The following WDR31 variants were observed in gnomAD, a reference collection of about 807,000 sequenced individuals.
The protein encoded by WDR31 is WD repeat-containing protein 31.
A neutral mutation model predicts 47.3 loss-of-function variants in WDR31; 30 were observed. That is an observed-to-expected ratio of 0.63 (90% confidence interval 0.47 to 0.86). The LOEUF (loss-of-function observed/expected upper bound fraction) is 0.86, where lower values mean the gene tolerates loss of function less well. Ranked by LOEUF, WDR31 falls within the 40% of genes least tolerant of loss-of-function variation. WDR31 has a pLI of 0.00. For synonymous variants in WDR31, 137 were observed against 159.4 expected (o/e 0.86, Z 1.06); for missense variants, 406 against 442.9 (o/e 0.92, Z 0.75).
rs772769210 is a variant in WDR31 at position 113,318,594 on chromosome 9, T to C, written c.824A>G (p.Lys275Arg). 1 of 1,614,178 alleles carries C rather than the reference T, an allele frequency of 6.2e-7. No individual in the cohort carries two copies. The highest frequency in any genetic ancestry group is 8.5e-7 in the Non-Finnish European group (1 of 1,180,022). ...RQTRNRICEY[K>R]GHFQTVASCV... ...GGATGCGACAGTCTGGAAATGCCCC[T>C]TATACTCACATATTCTGTTTCGAGT... Residue 275 changes from lysine (K) to arginine (R), a missense_variant, in exon 10 of 11, where the codon AAG becomes AGG. Physicochemically the swap from Lys to Arg is conservative, Grantham distance 26 (BLOSUM62 2). Coordinates refer to ENST00000374193, the MANE Select transcript of WDR31 (RefSeq NM_001012361.4).
chr9:113,320,375 T>C lies in WDR31; in HGVS notation c.762A>G (p.Gly254=). The change falls in exon 9 of 11, where the codon GGA becomes GGG. Residue 254 remains glycine (G), a synonymous_variant. Coordinates refer to ENST00000374193, the MANE Select transcript of WDR31 (RefSeq NM_001012361.4). ...CTCCTACCGTGGCTTCACAGCCTTC[T>C]CCTCCAAAGCCATTGCTGCAGGAGA... ...KCISCSNGFG[G]EGCEATLWDL... 1 of 1,614,238 alleles carries C rather than the reference T, an allele frequency of 6.2e-7. No homozygotes were observed. Among genetic ancestry groups the C allele is most frequent in the South Asian group, 1.1e-5 (1 of 91,082 alleles).
chr9:113,334,664 A>C (rs10817481), intron 2 of WDR31, among the ~76,000 whole-genome samples: 81,428 of 147,356 alleles, frequency 0.55, 22,763 homozygotes, highest in South Asian at 0.65. Flanking sequence ...CTCAGCCTCC[A>C]GAGTAGCTGG....
At chr9:113,318,717 G>A in intron 9 of WDR31, 80 bp from the exon 10 acceptor site, 1 of 1,483,558 alleles carries the variant, frequency 6.7e-7, no homozygotes. Context: ...CTACCCCCAT[G>A]ATGCACCTAT....
intron 2 of WDR31, among the ~76,000 whole-genome samples, chr9:113,333,633 G>C (rs1407637798): frequency 2.7e-4 from 40 of 149,564 alleles, no homozygotes; most frequent in Middle Eastern, 3.5e-3. Flanking sequence ...CACCCGCCTC[G>C]GCCTCCCAAA....
chr9:113,332,561 C>T (rs1046356093), intron 2 of WDR31, among the ~76,000 whole-genome samples: 1 of 152,170 alleles, frequency 6.6e-6, no homozygotes, highest in African/African-American at 2.4e-5. Context: ...CTACACAGTT[C>T]ATATTCTATG....
intron 2 of WDR31, among the ~76,000 whole-genome samples, chr9:113,335,095 G>T (rs1424488713): frequency 6.6e-6 from 1 of 152,110 alleles, no homozygotes; most frequent in East Asian, 1.9e-4. Flanking sequence ...AGAATTAAAA[G>T]AATAATGAAA....
chr9:113,336,128 G>A (rs1204288006), intron 2 of WDR31, among the ~76,000 whole-genome samples, 160 bp downstream of exon 2: 2 of 152,194 alleles, frequency 1.3e-5, no homozygotes, highest in African/African-American at 4.8e-5. Flanking sequence ...TCAAACCAAT[G>A]ACAGATGCCA....
chr9:113,332,934 C>G (rs1010567510), intron 2 of WDR31, among the ~76,000 whole-genome samples: 1 of 152,210 alleles, frequency 6.6e-6, no homozygotes, highest in Non-Finnish European at 1.5e-5. Context: ...CTGGTTCCTT[C>G]CTCTCTTGCC....
At chr9:113,330,949 A>G (rs1354616986) in intron 4 of WDR31, 35 bp downstream of exon 4, 1 of 1,558,332 alleles carries the variant, frequency 6.4e-7, no homozygotes, top group Admixed American at 1.8e-5. Flanking sequence ...TCCCTGCAAT[A>G]AAGTTCATTT....
At chr9:113,318,377 G>A (rs1453470719) in intron 10 of WDR31, 98 bp downstream of exon 10, 10 of 1,398,676 alleles carry the variant, frequency 7.1e-6, no homozygotes, top group Non-Finnish European at 9.9e-6. Context: ...GCAGAAGATG[G>A]GTGGCTTTGT....
chr9:113,333,428 G>T (rs2118849337), intron 2 of WDR31, among the ~76,000 whole-genome samples: 1 of 133,812 alleles, frequency 7.5e-6, no homozygotes, highest in South Asian at 2.4e-4. Context: ...AGGCCGGACT[G>T]CGGACTGCAG....
chr9:113,320,189 T>C (rs1202536465), intron 9 of WDR31, among the ~76,000 whole-genome samples, 168 bp downstream of exon 9: 1 of 152,208 alleles, frequency 6.6e-6, no homozygotes, highest in Non-Finnish European at 1.5e-5. Flanking sequence ...CCTATGAATG[T>C]TTCTTAAATG....
chr9:113,332,263 T>C (rs1833615563), intron 2 of WDR31, among the ~76,000 whole-genome samples: 1 of 152,210 alleles, frequency 6.6e-6, no homozygotes, highest in Non-Finnish European at 1.5e-5. Flanking sequence ...AAACACAGAA[T>C]TGCCATACGG....
intron 7 of WDR31, among the ~76,000 whole-genome samples, chr9:113,322,260 T>A (rs1644749870): frequency 1.3e-5 from 2 of 152,006 alleles, no homozygotes; most frequent in Admixed American, 1.3e-4. Flanking sequence ...TCTAAGAGCT[T>A]AAGTAACTTC....
intron 1 of WDR31, among the ~76,000 whole-genome samples, chr9:113,339,688 T>C (rs778735722): frequency 1.3e-5 from 2 of 152,170 alleles, no homozygotes; most frequent in African/African-American, 2.4e-5. Context: ...AGATGGCAAA[T>C]GCTCCTCTCC....
At chr9:113,320,223 A>T in intron 9 of WDR31, 134 bp downstream of exon 9, 1 of 1,155,264 alleles carries the variant, frequency 8.7e-7, no homozygotes, top group Admixed American at 2.5e-5. Context: ...GCAAAGGATC[A>T]CTCACAGTAT....
rs752813267 is a variant in WDR31 at position 113,318,433 on chromosome 9, C to A, written c.943+42G>T. On this transcript the variant is annotated intron_variant, in intron 10 of 10. Coordinates refer to ENST00000374193, the MANE Select transcript of WDR31 (RefSeq NM_001012361.4). ...AGGAGTTTTAAAGAAGGTTTTAGGACTTCATGTATCTTTTGAGGAGAACTA... is the reference window on the plus strand; with the variant it reads ...AGGAGTTTTAAAGAAGGTTTTAGGAATTCATGTATCTTTTGAGGAGAACTA... 7.1e-5 allele frequency: 115 copies of A among 1,612,104 alleles called. No homozygotes were observed. The East Asian group carries it at 2.4e-3, about 33-fold the overall frequency.
Position 113,322,842 on chromosome 9 carries a change from C to G in WDR31, c.539G>C (p.Ser180Thr). 1 of 1,614,178 alleles carries G rather than the reference C, an allele frequency of 6.2e-7. No homozygotes were observed. Among genetic ancestry groups the G allele is most frequent in the Non-Finnish European group, 8.5e-7 (1 of 1,180,016 alleles). Residue 180 changes from serine (S) to threonine (T), a missense_variant, in exon 7 of 11, where the codon AGT becomes ACT. Coordinates refer to ENST00000374193, the MANE Select transcript of WDR31 (RefSeq NM_001012361.4). ...LLLWDVVTGQ[S>T]VERASVSRNV... is the part of the protein sequence containing the mutation. ...CCTGGAGACAGATGCTCTTTCCACA[C>G]TCTGTCCTGTCACCACATCCCACAG...
At position 113,331,923 on chromosome 9, in the gene WDR31, T is replaced by G; in HGVS notation, c.100A>C (p.Ser34Arg). The change falls in exon 3 of 11, where the codon AGC becomes CGC. Residue 34 changes from serine to arginine, a missense_variant. Coordinates refer to ENST00000374193, the MANE Select transcript of WDR31 (RefSeq NM_001012361.4). ...MGKQQSKLKH[S>R]TYKYGRPDEI... ...TTGCAGTACCCGTATTTATAAGTGC[T>G]GTGTTTGAGTTTGCTTTGCTGTTTC... 1 of 1,613,814 alleles carries G rather than the reference T, an allele frequency of 6.2e-7. No homozygotes were observed. The highest frequency in any genetic ancestry group is 8.5e-7 in the Non-Finnish European group (1 of 1,179,770).
Sources: gnomAD v4.1 joint callset for allele counts (sites outside exome capture counted in the v4.1 genomes callset) on GRCh38, gnomAD v4.1.1 for gene constraint, MANE v1.5 for transcripts, NCBI Gene and HGNC (gene_info 2026-07-23, HGNC 2026-07-21) for gene names.